ATP7A: variants seen among roughly 807,000 people sequenced by gnomAD.
ATP7A encodes copper-transporting ATPase 1.
In ATP7A, 7 loss-of-function variants were observed where a neutral mutation model predicts 83.5. That is an observed-to-expected ratio of 0.08 (90% CI 0.05 to 0.16). ATP7A has a LOEUF of 0.16. Among genes scored for constraint, ATP7A ranks in the 10% least tolerant of loss-of-function variants. ATP7A has a pLI of 1.00. For missense variants in ATP7A, 940 were observed against 1,120.8 expected (o/e 0.84, Z 2.30); for synonymous variants, 354 against 395.2 (o/e 0.90, Z 1.24).
intron 4 of ATP7A, 83 bp from the exon 5 acceptor site, chrX:77,998,394 TG>T: frequency 1.1e-6 from 1 of 939,465 alleles, no homozygotes; most frequent in Non-Finnish European, 1.5e-6. Flanking sequence ...TGTCAGTGCC[TG>T]GAGGTATGGA....
chrX:77,934,407 G>C (rs782086781), intron 1 of ATP7A, among the ~76,000 whole-genome samples: 3 of 111,656 alleles, frequency 2.7e-5, no homozygotes, highest in Non-Finnish European at 5.6e-5. Flanking sequence ...GATAGAGCAA[G>C]ACCCTGTATC....
Position 78,042,775 on chromosome X carries a change from T to C in ATP7A, c.3992T>C (p.Val1331Ala). 8.3e-7 allele frequency: 1 copy of C among 1,211,230 alleles called. No individual in the cohort carries two copies. Among genetic ancestry groups the C allele is most frequent in the Non-Finnish European group, 1.1e-6 (1 of 895,541 alleles). Reference protein sequence around the residue: ...GTDVAIEAADVVLIRNDLLDV... With the variant: ...GTDVAIEAADAVLIRNDLLDV... ...GATGTAGCCATTGAAGCAGCTGATG[T>C]GGTTTTGATAAGGGTAAGTGCCATG... The change falls in exon 20 of 23, where the codon GTG becomes GCG. Residue 1331 changes from valine to alanine, a missense_variant. Val to Ala is a moderately conservative substitution (Grantham distance 64). This residue lies in a region of ATP7A where 386 missense variants were observed against 502.2 expected (regional missense o/e 0.77). Coordinates refer to ENST00000341514, the MANE Select transcript of ATP7A (RefSeq NM_000052.7).
In ATP7A at chrX:77,989,778, A is replaced by G. The variant is rs369419911; in HGVS notation, c.1156A>G (p.Met386Val). The G allele has an allele frequency of 1.5e-4, 181 of 1,209,683 alleles. No homozygotes were observed. The highest frequency in any genetic ancestry group is 2.3e-4 in the Middle Eastern group (1 of 4,377). Residue 386 changes from methionine (M) to valine (V), a missense_variant, in exon 4 of 23, where the codon ATG becomes GTG. Transcript: ENST00000341514. Reference sequence around the variant, plus strand: ...AGAAACTGTGATAAACATTGATGGCATGACTTGTAATTCCTGTGTGCAGTC... The same window carrying G: ...AGAAACTGTGATAAACATTGATGGCGTGACTTGTAATTCCTGTGTGCAGTC... ...TQETVINIDG[M>V]TCNSCVQSIE...
chrX:78,040,431 T>C (rs902649801), intron 18 of ATP7A, among the ~76,000 whole-genome samples, 160 bp from the exon 19 acceptor site: 2 of 112,140 alleles, frequency 1.8e-5, no homozygotes, highest in African/African-American at 6.5e-5. Context: ...ACAGAGTTTG[T>C]AGTATAAAGT....
At chrX:77,985,313 T>C (rs905360580) in intron 2 of ATP7A, among the ~76,000 whole-genome samples, 3 of 105,043 alleles carry the variant, frequency 2.9e-5, no homozygotes, top group East Asian at 6.5e-4. Context: ...GTGTGCCACC[T>C]GGCCTGAGGA....
intron 1 of ATP7A, chrX:77,962,961 C>T (rs1324430418): frequency 3.6e-6 from 1 of 280,950 alleles, no homozygotes; most frequent in Non-Finnish European, 6.9e-6. Flanking sequence ...ATGATCATTT[C>T]ACATGTGCCA....
chrX:77,984,656 AC>A (rs1557231203), intron 2 of ATP7A, among the ~76,000 whole-genome samples: 3 of 111,104 alleles, frequency 2.7e-5, no homozygotes, highest in African/African-American at 3.3e-5. Flanking sequence ...GTGAGCCACC[AC>A]GCCCAGCCAA....
chrX:77,928,193 T>C (rs1021802314), intron 1 of ATP7A, among the ~76,000 whole-genome samples: 1 of 111,072 alleles, frequency 9.0e-6, no homozygotes, highest in Non-Finnish European at 1.9e-5. Context: ...TTAAGGCTTT[T>C]GATAAATATT....
chrX:78,024,993 G>C (rs2077933617), intron 14 of ATP7A, among the ~76,000 whole-genome samples: 1 of 111,384 alleles, frequency 9.0e-6, no homozygotes, highest in African/African-American at 3.3e-5. Flanking sequence ...TAACAGAAGG[G>C]CTTAGTTCTA....
At chrX:77,999,826 C>G (rs958592179) in intron 5 of ATP7A, among the ~76,000 whole-genome samples, 1 of 108,524 alleles carries the variant, frequency 9.2e-6, no homozygotes, top group African/African-American at 3.4e-5. Context: ...ATCTCTTGAA[C>G]CTGAGAGGCG....
intron 2 of ATP7A, among the ~76,000 whole-genome samples, chrX:77,987,976 C>T (rs1407952080): frequency 9.0e-6 from 1 of 111,164 alleles, no homozygotes; most frequent in Admixed American, 9.6e-5. Flanking sequence ...TTGTGAAATT[C>T]TTGGGTGTGT....
In ATP7A at chrX:78,040,376, C is replaced by T. The variant is rs782690225; in HGVS notation, c.3659-215C>T. Among the ~76,000 whole-genome samples the T allele has an allele frequency of 8.1e-5, 9 of 111,062 alleles. No homozygotes were observed. The East Asian group carries it at 1.4e-3, about 17-fold the overall frequency. Reference sequence around the variant, plus strand: ...TCCTGTGATTACTTTATTAGTAACCCCTACCTCACTCTGAAATTTTCATAA... The same window carrying T: ...TCCTGTGATTACTTTATTAGTAACCTCTACCTCACTCTGAAATTTTCATAA... On this transcript the variant is annotated intron_variant, in intron 18 of 22. Coordinates refer to ENST00000341514, the MANE Select transcript of ATP7A (RefSeq NM_000052.7).
At chrX:77,997,597 A>T (rs2077712527) in intron 4 of ATP7A, among the ~76,000 whole-genome samples, 1 of 109,612 alleles carries the variant, frequency 9.1e-6, no homozygotes, top group African/African-American at 3.3e-5. Context: ...ACAGGGGAGG[A>T]GAAAATCTTT....
intron 2 of ATP7A, among the ~76,000 whole-genome samples, chrX:77,972,531 A>G (rs1603378968): frequency 1.8e-5 from 2 of 111,821 alleles, no homozygotes; most frequent in Non-Finnish European, 1.9e-5. Context: ...TTGTATTTTT[A>G]GTAGAGACAG....
chrX:77,999,276 C>T (rs1011593495), intron 5 of ATP7A, among the ~76,000 whole-genome samples: 47 of 111,142 alleles, frequency 4.2e-4, no homozygotes, highest in African/African-American at 1.5e-3. Context: ...GGATTACAGG[C>T]GTGAGCCACC....
chrX:77,949,495 C>T (rs1327601154), intron 1 of ATP7A, among the ~76,000 whole-genome samples: 2 of 112,086 alleles, frequency 1.8e-5, no homozygotes, highest in African/African-American at 6.5e-5. Flanking sequence ...GAACAACTCT[C>T]CTTTTTGCTG....
At chrX:78,012,252 A>T (rs2077832028) in intron 9 of ATP7A, among the ~76,000 whole-genome samples, 1 of 112,103 alleles carries the variant, frequency 8.9e-6, no homozygotes, top group Non-Finnish European at 1.9e-5. Context: ...TGATCCTTAT[A>T]AAAGGCAATA....
At chrX:77,939,035 C>T (rs1294394723) in intron 1 of ATP7A, among the ~76,000 whole-genome samples, 1 of 111,606 alleles carries the variant, frequency 9.0e-6, no homozygotes, top group Non-Finnish European at 1.9e-5. Flanking sequence ...GTGGCTCACA[C>T]CTGTAATCCT....
intron 9 of ATP7A, 143 bp from the exon 10 acceptor site, chrX:78,012,736 A>T (rs2077835846): frequency 1.9e-6 from 1 of 528,155 alleles, no homozygotes; most frequent in Non-Finnish European, 3.3e-6. Flanking sequence ...TACAAACACG[A>T]TTGTTTTGGC....
Sources: gnomAD v4.1 joint callset for allele counts (sites outside exome capture counted in the v4.1 genomes callset) on GRCh38, gnomAD v4.1.1 for gene constraint, gnomAD v4.1.1 regional missense constraint, MANE v1.5 for transcripts, NCBI Gene and HGNC (gene_info 2026-07-23, HGNC 2026-07-21) for gene names.